KCNJ3: variants seen among roughly 807,000 people sequenced by gnomAD.
The protein encoded by KCNJ3 is potassium inwardly rectifying channel subfamily J member 3, also known as G protein-activated inward rectifier potassium channel 1.
Under a neutral mutation model 39.2 loss-of-function variants are expected in KCNJ3, and 4 were observed. The ratio of observed to expected loss-of-function variants is 0.10; its 90% CI spans 0.05 to 0.23. The LOEUF (loss-of-function observed/expected upper bound fraction) is 0.23, where lower values mean the gene tolerates loss of function less well. Among genes scored for constraint, KCNJ3 ranks in the 10% least tolerant of loss-of-function variants. KCNJ3 has a pLI of 1.00. For synonymous variants in KCNJ3, 230 were observed against 237.4 expected (o/e 0.97, Z 0.29); for missense variants, 276 against 634.9 (o/e 0.43, Z 6.08).
chr2:154,793,658 G>A (rs1349786524), intron 2 of KCNJ3, among the ~76,000 whole-genome samples: 6 of 151,948 alleles, frequency 3.9e-5, no homozygotes, highest in African/African-American at 1.4e-4. Flanking sequence ...TAAAATTTTA[G>A]TTTCGCCAAG....
Position 154,847,531 on chromosome 2 carries a change from A to G in KCNJ3, c.920-7196A>G, listed in dbSNP as rs182431361. On this transcript the variant is annotated intron_variant, in intron 2 of 2. Transcript: ENST00000295101. Reference sequence around the variant, plus strand: ...TTAAAACAACTGCCAATTTGAAGTAAATAATAGAATAGATTTATGGAAAAA... The same window carrying G: ...TTAAAACAACTGCCAATTTGAAGTAGATAATAGAATAGATTTATGGAAAAA... Among the ~76,000 whole-genome samples, 429 of 152,232 alleles carry G rather than the reference A, an allele frequency of 2.8e-3. 4 individuals carry two copies. The highest frequency in any genetic ancestry group is 0.01 in the African/African-American group (422 of 41,564).
intron 2 of KCNJ3, among the ~76,000 whole-genome samples, chr2:154,773,846 C>T (rs1041923753): frequency 7.9e-5 from 12 of 152,044 alleles, no homozygotes; most frequent in Admixed American, 3.9e-4. Flanking sequence ...TAACTTTCTT[C>T]GATACTTTGT....
intron 2 of KCNJ3, among the ~76,000 whole-genome samples, chr2:154,718,857 C>T (rs1381891347): frequency 3.3e-5 from 5 of 152,016 alleles, no homozygotes; most frequent in South Asian, 2.1e-4. Flanking sequence ...GGTTGAAATA[C>T]GGTTGACACT....
chr2:154,798,922 G>A (rs753137422), intron 2 of KCNJ3, among the ~76,000 whole-genome samples: 2 of 151,632 alleles, frequency 1.3e-5, no homozygotes, highest in Non-Finnish European at 2.9e-5. Context: ...ATGTGTATGT[G>A]CATGCCGTGT....
At chr2:154,807,690 A>G (rs1686936953) in intron 2 of KCNJ3, among the ~76,000 whole-genome samples, 1 of 152,100 alleles carries the variant, frequency 6.6e-6, no homozygotes, top group South Asian at 2.1e-4. Context: ...AATGTTTCTG[A>G]TTGACTCCTT....
intron 2 of KCNJ3, among the ~76,000 whole-genome samples, chr2:154,754,141 C>T (rs1476691502): frequency 6.6e-6 from 1 of 152,200 alleles, no homozygotes; most frequent in African/African-American, 2.4e-5. Flanking sequence ...TGAATAAATA[C>T]TAACCATTAG....
intron 2 of KCNJ3, among the ~76,000 whole-genome samples, chr2:154,741,023 T>C (rs1464443030): frequency 2.0e-5 from 3 of 151,968 alleles, no homozygotes; most frequent in Admixed American, 6.6e-5. Context: ...CAGTCTGAGT[T>C]TCTGGGAATC....
chr2:154,833,626 T>C (rs1198172147), intron 2 of KCNJ3, among the ~76,000 whole-genome samples: 1 of 152,250 alleles, frequency 6.6e-6, no homozygotes, highest in Non-Finnish European at 1.5e-5. Context: ...TATGATGATG[T>C]ATAACCATCG....
chr2:154,709,775 A>T lies in KCNJ3; in HGVS notation c.875A>T (p.Gln292Leu). 5 of 1,613,982 alleles carry T rather than the reference A, an allele frequency of 3.1e-6. No individual in the cohort carries two copies. The highest frequency in any genetic ancestry group is 4.2e-6 in the Non-Finnish European group (5 of 1,179,884). Residue 292 changes from glutamine (Q) to leucine (L), a missense_variant, in exon 2 of 3, where the codon CAG becomes CTG. Physicochemically the swap from Gln to Leu is moderately radical, Grantham distance 113. Coordinates refer to ENST00000295101, the MANE Select transcript of KCNJ3 (RefSeq NM_002239.4). ...DLSQRSMQTE[Q>L]FEIVVILEGI... ...TCCCAGCGAAGCATGCAAACTGAAC[A>T]GTTCGAGATTGTCGTCATCCTAGAA...
intron 2 of KCNJ3, among the ~76,000 whole-genome samples, chr2:154,718,137 G>C (rs556504269): frequency 6.6e-6 from 1 of 152,128 alleles, no homozygotes; most frequent in African/African-American, 2.4e-5. Flanking sequence ...GATTTGTATA[G>C]ATTGGACATC....
intron 2 of KCNJ3, among the ~76,000 whole-genome samples, chr2:154,745,594 G>A (rs192345602): frequency 1.3e-5 from 2 of 152,000 alleles, no homozygotes; most frequent in African/African-American, 4.8e-5. Context: ...GTTTTCAAAT[G>A]TGATTACAAT....
At chr2:154,756,409 G>A (rs186304437) in intron 2 of KCNJ3, among the ~76,000 whole-genome samples, 22 of 152,214 alleles carry the variant, frequency 1.4e-4, no homozygotes, top group African/African-American at 5.3e-4. Flanking sequence ...ATATCAGATA[G>A]ATATATAATG....
chr2:154,783,187 A>G (rs1455365332), intron 2 of KCNJ3, among the ~76,000 whole-genome samples: 1 of 152,164 alleles, frequency 6.6e-6, no homozygotes, highest in East Asian at 1.9e-4. Flanking sequence ...CAAAAAAAAA[A>G]GTACTTTTAG....
chr2:154,814,877 A>C (rs2105104700), intron 2 of KCNJ3, among the ~76,000 whole-genome samples: 1 of 152,348 alleles, frequency 6.6e-6, no homozygotes, highest in South Asian at 2.1e-4. Flanking sequence ...TTAAGTTCTA[A>C]GTTCTAAGAA....
At chr2:154,717,929 T>C (rs1188943444) in intron 2 of KCNJ3, among the ~76,000 whole-genome samples, 1 of 152,208 alleles carries the variant, frequency 6.6e-6, no homozygotes, top group Non-Finnish European at 1.5e-5. Flanking sequence ...TTGGAAATGT[T>C]ATTTATCCTT....
intron 2 of KCNJ3, among the ~76,000 whole-genome samples, chr2:154,812,905 G>C (rs2591146): frequency 0.67 from 102,427 of 152,060 alleles, 36,426 homozygotes; most frequent in East Asian, 0.93. Flanking sequence ...TCGTAAGTAA[G>C]ATTTATTGAG....
chr2:154,795,790 C>A lies in KCNJ3; in HGVS notation c.920-58937C>A, dbSNP rs143353372. ...TATTTTTGCATTTCTTTGTGAAGTG[C>A]TTTCCCTTTTATCCCCTTTGCTAAA... On this transcript the variant is annotated intron_variant, in intron 2 of 2. Coordinates refer to ENST00000295101, the MANE Select transcript of KCNJ3 (RefSeq NM_002239.4). Among the ~76,000 whole-genome samples the A allele has an allele frequency of 6.2e-3, 942 of 152,166 alleles. 7 individuals are homozygous for A. The highest frequency in any genetic ancestry group is 9.3e-3 in the Non-Finnish European group (630 of 67,976).
At chr2:154,805,696 G>A (rs974688464) in intron 2 of KCNJ3, among the ~76,000 whole-genome samples, 2 of 151,970 alleles carry the variant, frequency 1.3e-5, no homozygotes, top group African/African-American at 4.8e-5. Flanking sequence ...ATGATGTGTA[G>A]CATGGGCATA....
chr2:154,728,370 G>T (rs575513169), intron 2 of KCNJ3, among the ~76,000 whole-genome samples: 19 of 152,142 alleles, frequency 1.2e-4, no homozygotes, highest in Non-Finnish European at 2.5e-4. Context: ...GTGCTCTGAT[G>T]CTGGGCAGCC....
Sources: gnomAD v4.1 joint callset for allele counts (sites outside exome capture counted in the v4.1 genomes callset) on GRCh38, gnomAD v4.1.1 for gene constraint, MANE v1.5 for transcripts, NCBI Gene and HGNC (gene_info 2026-07-23, HGNC 2026-07-21) for gene names.